RALGPS2: variants seen among roughly 807,000 people sequenced by gnomAD.
The protein encoded by RALGPS2 is ras-specific guanine nucleotide-releasing factor RalGPS2.
RALGPS2 carries 43 observed loss-of-function variants against 86.8 expected under a neutral mutation model. The observed-to-expected ratio is 0.50, with a 90% CI of 0.39 to 0.64. RALGPS2 has a LOEUF of 0.64. Among genes scored for constraint, RALGPS2 ranks in the 30% least tolerant of loss-of-function variants. The pLI, the probability that RALGPS2 is intolerant of heterozygous loss-of-function variation, is 0.00. For synonymous variants in RALGPS2, 243 were observed against 231.3 expected, an observed-to-expected ratio of 1.05 and a Z score of -0.46; for missense variants, 536 against 694.6, an observed-to-expected ratio of 0.77 and a Z score of 2.57.
intron 1 of RALGPS2, among the ~76,000 whole-genome samples, chr1:178,745,760 C>T (rs1651279421): frequency 6.7e-6 from 1 of 149,822 alleles, no homozygotes; most frequent in South Asian, 2.1e-4. Context: ...TAAAATAGCA[C>T]ATTGATAAAA....
intron 8 of RALGPS2, among the ~76,000 whole-genome samples, chr1:178,837,111 G>A (rs758810873): frequency 2.6e-5 from 4 of 152,068 alleles, no homozygotes; most frequent in Non-Finnish European, 5.9e-5. Flanking sequence ...CTATATAATC[G>A]GAGTGGTCTC....
chr1:178,839,893 C>T (rs1272040706), intron 8 of RALGPS2, among the ~76,000 whole-genome samples: 5 of 152,100 alleles, frequency 3.3e-5, no homozygotes, highest in Admixed American at 2.6e-4. Flanking sequence ...CAACAAAGAT[C>T]AAAAGAGACA....
chr1:178,747,651 C>T (rs566021527), intron 1 of RALGPS2: 5 of 1,548,624 alleles, frequency 3.2e-6, no homozygotes, highest in Non-Finnish European at 4.5e-6. Flanking sequence ...TATAATCATT[C>T]TCAGCATTTT....
intron 1 of RALGPS2, among the ~76,000 whole-genome samples, chr1:178,744,242 A>T (rs1397064821): frequency 6.6e-6 from 1 of 152,222 alleles, no homozygotes; most frequent in Non-Finnish European, 1.5e-5. Flanking sequence ...AAGTAAAAAA[A>T]ACTATATGAT....
intron 4 of RALGPS2, among the ~76,000 whole-genome samples, chr1:178,792,430 C>T (rs989325367): frequency 6.6e-6 from 1 of 152,168 alleles, no homozygotes; most frequent in Non-Finnish European, 1.5e-5. Flanking sequence ...TTCTCCCCTT[C>T]TTTTCTCCTG....
chr1:178,859,832 C>A (rs1480665659), intron 8 of RALGPS2, among the ~76,000 whole-genome samples: 6 of 91,750 alleles, frequency 6.5e-5, no homozygotes, highest in East Asian at 3.4e-4. Context: ...CCCCCCCCCC[C>A]CAACCGCCCA....
chr1:178,734,260 T>C (rs1650550831), intron 1 of RALGPS2, among the ~76,000 whole-genome samples: 1 of 152,224 alleles, frequency 6.6e-6, no homozygotes, highest in Non-Finnish European at 1.5e-5. Context: ...CTTGTGGGAA[T>C]GTAAATGGAT....
chr1:178,765,294 A>C (rs901601239), intron 1 of RALGPS2, among the ~76,000 whole-genome samples: 1 of 151,960 alleles, frequency 6.6e-6, no homozygotes, highest in Non-Finnish European at 1.5e-5. Context: ...CCAGTCTGAG[A>C]AATAAAGGGA....
In RALGPS2 at chr1:178,778,787, C is replaced by G. The variant is rs572133929; in HGVS notation, c.57+1966C>G. Reference sequence around the variant, plus strand: ...GAAATCATCATTCTCAGTAAACTATCGCAAGAACAAAAAACCAAACACCGC... The same window carrying G: ...GAAATCATCATTCTCAGTAAACTATGGCAAGAACAAAAAACCAAACACCGC... On this transcript the variant is annotated intron_variant, in intron 2 of 19. Transcript: ENST00000367635. Among the ~76,000 whole-genome samples the G allele has an allele frequency of 7.4e-4, 111 of 151,000 alleles. No homozygotes were observed. In the South Asian group the frequency reaches 0.011, roughly 14 times the overall value.
At position 178,906,786 on chromosome 1, in the gene RALGPS2, C is replaced by T. The variant is rs1383832828; in HGVS notation, c.1641C>T (p.Tyr547=). ...TTTGGATAATTTTAGGAAATTCGTA[C>T]AAGTTTCAAGCTGGCAATAGAATGA... ...LLTDSEKGNS[Y]KFQAGNRMNA... The change falls in exon 19 of 20, where the codon TAC becomes TAT. Residue 547 remains tyrosine, a synonymous_variant. Coordinates refer to ENST00000367635, the MANE Select transcript of RALGPS2 (RefSeq NM_152663.5). 6.2e-7 allele frequency: 1 copy of T among 1,608,938 alleles called. No individual in the cohort carries two copies. The highest frequency in any genetic ancestry group is 1.3e-5 in the African/African-American group (1 of 74,622).
At chr1:178,805,718 C>T (rs1162088610) in intron 4 of RALGPS2, among the ~76,000 whole-genome samples, 1 of 152,072 alleles carries the variant, frequency 6.6e-6, no homozygotes, top group Non-Finnish European at 1.5e-5. Flanking sequence ...ATTTCACTGT[C>T]TTATATTCTC....
At chr1:178,892,422 CT>C in intron 15 of RALGPS2, 115 bp downstream of exon 15, 1 of 816,266 alleles carries the variant, frequency 1.2e-6, no homozygotes, top group African/African-American at 1.7e-5. Flanking sequence ...GATTTAAAAA[CT>C]AAACAAATTA....
intron 4 of RALGPS2, among the ~76,000 whole-genome samples, chr1:178,799,474 T>A (rs1246892398): frequency 6.6e-6 from 1 of 152,128 alleles, no homozygotes; most frequent in Non-Finnish European, 1.5e-5. Context: ...TTTGTGCAAT[T>A]GCGGTTGGGT....
chr1:178,811,898 G>C (rs1448287220), intron 6 of RALGPS2, among the ~76,000 whole-genome samples: 1 of 152,156 alleles, frequency 6.6e-6, no homozygotes, highest in African/African-American at 2.4e-5. Context: ...ATGGAGAATG[G>C]ATTTCAAAGG....
At chr1:178,865,302 G>A (rs1572425342) in intron 8 of RALGPS2, 1 of 1,614,024 alleles carries the variant, frequency 6.2e-7, no homozygotes, top group Non-Finnish European at 8.5e-7. Flanking sequence ...GTGACATTGA[G>A]GATTTTGTTT....
chr1:178,906,465 CCA>C (rs1263807468), intron 18 of RALGPS2, among the ~76,000 whole-genome samples: 3 of 152,064 alleles, frequency 2.0e-5, no homozygotes, highest in Admixed American at 2.0e-4. Flanking sequence ...TCTAGAGATG[CCA>C]CACAGTTATT....
intron 2 of RALGPS2, among the ~76,000 whole-genome samples, chr1:178,779,541 A>G (rs1653277693): frequency 6.6e-6 from 1 of 152,204 alleles, no homozygotes; most frequent in Non-Finnish European, 1.5e-5. Context: ...TTTTATCTCT[A>G]GCCCTGGCTT....
intron 8 of RALGPS2, chr1:178,853,729 A>G (rs757986240): frequency 6.2e-7 from 1 of 1,608,910 alleles, no homozygotes; most frequent in South Asian, 1.1e-5. Context: ...GTTTAATCAT[A>G]TAAATCCCAC....
intron 1 of RALGPS2, among the ~76,000 whole-genome samples, chr1:178,752,552 A>G (rs2102047138): frequency 1.3e-5 from 2 of 152,338 alleles, no homozygotes; most frequent in South Asian, 4.1e-4. Flanking sequence ...CTGTAGAAGG[A>G]AGAATTTAGA....
Sources: allele counts gnomAD v4.1 joint callset (sites outside exome capture counted in the v4.1 genomes callset), GRCh38; gene constraint gnomAD v4.1.1; transcripts MANE v1.5; gene names NCBI Gene and HGNC (gene_info 2026-07-23, HGNC 2026-07-21).